Variants in ABCA12 observed in about 807,000 individuals in gnomAD.
ABCA12 encodes ATP binding cassette subfamily A member 12.
A neutral mutation model predicts 293.5 loss-of-function variants in ABCA12; 156 were observed. The ratio of observed to expected loss-of-function variants is 0.53; its 90% CI spans 0.47 to 0.61. ABCA12 has a LOEUF of 0.61. ABCA12 is among the 20% of genes least tolerant of loss of function. The pLI is 0.00. For synonymous variants in ABCA12, 1,063 were observed against 1,108.0 expected (o/e 0.96, Z 0.81); for missense variants, 2,797 against 3,090.2 (o/e 0.91, Z 2.25).
In ABCA12 at chr2:215,004,239, C is replaced by T; in HGVS notation, c.2653G>A (p.Val885Ile). The change falls in exon 20 of 53, where the codon GTT becomes ATT. Residue 885 changes from valine to isoleucine, a missense_variant. Physicochemically the swap from Val to Ile is conservative, Grantham distance 29. Transcript: ENST00000272895. Reference protein sequence around the residue: ...FVKFSVGLDAVELLKQIDELD... With the variant: ...FVKFSVGLDAIELLKQIDELD... ...TCATCTATCTGTTTCAATAGTTCAA[C>T]AGCATCGAGTCCCACGGAGAACTTT... 1 of 1,613,918 alleles carries T rather than the reference C, an allele frequency of 6.2e-7. No homozygotes were observed. The highest frequency in any genetic ancestry group is 8.5e-7 in the Non-Finnish European group (1 of 1,179,952).
chr2:215,117,303 T>C (rs951698084), intron 1 of ABCA12, among the ~76,000 whole-genome samples: 2 of 152,200 alleles, frequency 1.3e-5, no homozygotes, highest in East Asian at 1.9e-4. Context: ...TCCTGTTGCA[T>C]GCAAGTGTTG....
chr2:215,106,274 A>G (rs745886656), intron 2 of ABCA12, among the ~76,000 whole-genome samples: 1 of 152,052 alleles, frequency 6.6e-6, no homozygotes, highest in Non-Finnish European at 1.5e-5. Context: ...CCACTTGTTG[A>G]TCAACAATTT....
chr2:214,962,708 TAACA>T (rs1224759038), intron 39 of ABCA12: 6 of 152,096 alleles, frequency 3.9e-5, no homozygotes, highest in Non-Finnish European at 5.9e-5. Context: ...ACTGAAATCA[TAACA>T]AACAGTCTCT....
intron 34 of ABCA12, among the ~76,000 whole-genome samples, chr2:214,975,337 A>G (rs1699489527): frequency 6.6e-6 from 1 of 152,248 alleles, no homozygotes; most frequent in Non-Finnish European, 1.5e-5. Flanking sequence ...GTATCACAGG[A>G]AAATGCACAT....
chr2:215,046,340 T>A (rs1383203092), intron 6 of ABCA12, among the ~76,000 whole-genome samples: 1 of 151,152 alleles, frequency 6.6e-6, no homozygotes, highest in Non-Finnish European at 1.5e-5. Context: ...AGTAATGTTT[T>A]TTTTTCTTAG....
At chr2:214,989,707 A>G in intron 24 of ABCA12, 86 bp from the exon 25 acceptor site, 1 of 1,395,604 alleles carries the variant, frequency 7.2e-7, no homozygotes, top group South Asian at 1.3e-5. Context: ...AAAACTTTGG[A>G]CATTTGTATA....
rs546710579 is a variant in ABCA12, at chr2:215,100,899, T to C, written c.163+10698A>G. Among the ~76,000 whole-genome samples the C allele has an allele frequency of 1.6e-4, 25 of 152,332 alleles. 1 individual carries two copies. The highest frequency in any genetic ancestry group is 1.4e-3 in the Admixed American group (22 of 15,298). On this transcript the variant is annotated intron_variant, in intron 2 of 52. Coordinates refer to ENST00000272895, the MANE Select transcript of ABCA12 (RefSeq NM_173076.3). Reference sequence around the variant, plus strand: ...CTAGAGTGGGAAGTGCTTGTTTGCATGGACCTGGGTTCCCTGGGCATGTAA... The same window carrying C: ...CTAGAGTGGGAAGTGCTTGTTTGCACGGACCTGGGTTCCCTGGGCATGTAA...
chr2:214,948,485 G>A, intron 47 of ABCA12, 111 bp downstream of exon 47: 2 of 1,167,124 alleles, frequency 1.7e-6, no homozygotes, highest in Non-Finnish European at 2.4e-6. Flanking sequence ...TTTCCAGGTG[G>A]TTTTGAGGGG....
intron 7 of ABCA12, among the ~76,000 whole-genome samples, chr2:215,041,380 C>T (rs929959438): frequency 3.3e-5 from 5 of 151,960 alleles, no homozygotes; most frequent in East Asian, 3.9e-4. Context: ...GGTGAAACCC[C>T]GTCTCTACCA....
intron 39 of ABCA12, among the ~76,000 whole-genome samples, chr2:214,960,228 G>A (rs2105939467): frequency 6.6e-6 from 1 of 152,212 alleles, no homozygotes; most frequent in Non-Finnish European, 1.5e-5. Flanking sequence ...GATTTATAAT[G>A]TTAATCACAT....
At chr2:215,036,015 G>A (rs1439300644) in intron 8 of ABCA12, among the ~76,000 whole-genome samples, 1 of 152,158 alleles carries the variant, frequency 6.6e-6, no homozygotes, top group African/African-American at 2.4e-5. Flanking sequence ...TTAGCACATT[G>A]TCTGGTTTTC....
At chr2:215,058,853 A>G (rs960649164) in intron 3 of ABCA12, among the ~76,000 whole-genome samples, 3 of 152,064 alleles carry the variant, frequency 2.0e-5, no homozygotes, top group Non-Finnish European at 4.4e-5. Flanking sequence ...AAAAAAAACT[A>G]AACACTGAAT....
chr2:215,038,455 A>C (rs1488785218), intron 7 of ABCA12, among the ~76,000 whole-genome samples: 1 of 152,176 alleles, frequency 6.6e-6, no homozygotes, highest in African/African-American at 2.4e-5. Flanking sequence ...GGAGGGCAGA[A>C]CATTTCTGCA....
intron 1 of ABCA12, among the ~76,000 whole-genome samples, chr2:215,134,242 G>A (rs1703125411): frequency 3.4e-5 from 5 of 147,866 alleles, no homozygotes; most frequent in South Asian, 2.1e-4. Flanking sequence ...ATATGTATAT[G>A]TGTATATATG....
intron 13 of ABCA12, among the ~76,000 whole-genome samples, chr2:215,018,890 A>G (rs2106012395): frequency 6.6e-6 from 1 of 152,310 alleles, no homozygotes; most frequent in East Asian, 1.9e-4. Flanking sequence ...GAATTATGCA[A>G]AGAAGAAACG....
rs763396488 is a variant in ABCA12 at position 214,951,072 on chromosome 2, C to T, written c.6659G>A (p.Arg2220Lys). 14 of 1,613,880 alleles carry T rather than the reference C, an allele frequency of 8.7e-6. No individual in the cohort carries two copies. In the South Asian group the frequency reaches 1.4e-4, roughly 16 times the overall value. ...CCTTACATGTGAAGAATTAAATTTTCTGAAGAAAAGCCTAAAAATGGACCC... is the reference window on the plus strand; with the variant it reads ...CCTTACATGTGAAGAATTAAATTTTTTGAAGAAAAGCCTAAAAATGGACCC... ...SLIKKLRLFF[R>K]KFNSSHVRET... Residue 2220 changes from arginine to lysine, a missense_variant, in exon 45 of 53, where the codon AGA (arginine) becomes AAA (lysine). Arg to Lys is a conservative substitution (Grantham distance 26). Around this residue, in one of 3 missense-constraint regions of ABCA12, gnomAD observed 2,130 missense variants for 2,427.0 expected, o/e 0.88. Transcript: ENST00000272895.
intron 8 of ABCA12, among the ~76,000 whole-genome samples, chr2:215,036,376 TA>T (rs889027914): frequency 6.6e-6 from 1 of 152,252 alleles, no homozygotes; most frequent in Non-Finnish European, 1.5e-5. Flanking sequence ...AGCATAATTC[TA>T]AATTTATTCA....
chr2:215,005,956 T>C (rs1233612451), intron 19 of ABCA12, among the ~76,000 whole-genome samples: 1 of 152,246 alleles, frequency 6.6e-6, no homozygotes, highest in East Asian at 1.9e-4. Context: ...CTTTAAGTCA[T>C]TCACCTAAGG....
At chr2:215,017,916 TCTCAGTGTTTAACTGGTAAGC>T in intron 14 of ABCA12, 71 bp downstream of exon 14, 1 of 1,563,678 alleles carries the variant, frequency 6.4e-7, no homozygotes, top group Non-Finnish European at 8.8e-7. Flanking sequence ...GCATGCAACT[TCTCAGTGTTTAACTGGTAAGC>T]GCTCAACAAA....
Sources: allele counts gnomAD v4.1 joint callset (sites outside exome capture counted in the v4.1 genomes callset), GRCh38; gene constraint gnomAD v4.1.1; regional missense constraint gnomAD v4.1.1; transcripts MANE v1.5; gene names NCBI Gene and HGNC (gene_info 2026-07-23, HGNC 2026-07-21).